Variants in ISOC1 observed in about 807,000 individuals in gnomAD.
ISOC1 encodes isochorismatase domain containing 1.
ISOC1 carries 33 observed loss-of-function variants against 30.0 expected under a neutral mutation model. The observed-to-expected ratio is 1.10, with a 90% confidence interval of 0.83 to 1.47. The LOEUF (loss-of-function observed/expected upper bound fraction) is 1.47, where lower values mean the gene tolerates loss of function less well. Among genes scored for constraint, ISOC1 ranks in the 40% most tolerant of loss-of-function variants. ISOC1 has a pLI of 0.00. For missense variants in ISOC1, 372 were observed against 388.0 expected (o/e 0.96, Z 0.35); for synonymous variants, 178 against 159.8 (o/e 1.11, Z -0.86).
At chr5:129,102,012 A>G (rs1400237178) in intron 1 of ISOC1, among the ~76,000 whole-genome samples, 1 of 152,166 alleles carries the variant, frequency 6.6e-6, no homozygotes, top group African/African-American at 2.4e-5. Context: ...TCAAAGGTAC[A>G]TGTTATTAAC....
chr5:129,098,603 CAG>C (rs1238903670), intron 1 of ISOC1, among the ~76,000 whole-genome samples: 1 of 152,116 alleles, frequency 6.6e-6, no homozygotes, highest in Non-Finnish European at 1.5e-5. Context: ...CCAGGAAAGA[CAG>C]AGCCTGCAGA....
intron 4 of ISOC1, among the ~76,000 whole-genome samples, chr5:129,109,923 T>C (rs1753684220): frequency 6.6e-6 from 1 of 152,236 alleles, no homozygotes; most frequent in South Asian, 2.1e-4. Context: ...GTTTGCATTA[T>C]TGAAACTTCA....
intron 1 of ISOC1, among the ~76,000 whole-genome samples, chr5:129,100,724 C>T (rs902254338): frequency 3.3e-5 from 5 of 151,520 alleles, no homozygotes; most frequent in Non-Finnish European, 7.4e-5. Context: ...AAGAAATTTC[C>T]GAAATTTAGA....
At chr5:129,110,932 T>G (rs920013956) in intron 4 of ISOC1, among the ~76,000 whole-genome samples, 25 of 152,230 alleles carry the variant, frequency 1.6e-4, no homozygotes, top group African/African-American at 5.8e-4. Context: ...GTCCATTGAT[T>G]CAACAGTGAG....
intron 1 of ISOC1, among the ~76,000 whole-genome samples, chr5:129,101,618 A>G (rs1753573451): frequency 6.6e-6 from 1 of 152,176 alleles, no homozygotes; most frequent in Non-Finnish European, 1.5e-5. Flanking sequence ...ATGAGCCACC[A>G]TGCCCAGCTG....
At chr5:129,107,607 A>G (rs959067083) in intron 4 of ISOC1, among the ~76,000 whole-genome samples, 6 of 142,774 alleles carry the variant, frequency 4.2e-5, no homozygotes, top group Non-Finnish European at 9.1e-5. Context: ...TGGGTATTAT[A>G]AGTAATATAG....
chr5:129,096,345 T>G (rs1484880666), intron 1 of ISOC1, among the ~76,000 whole-genome samples: 1 of 152,218 alleles, frequency 6.6e-6, no homozygotes, highest in Non-Finnish European at 1.5e-5. Flanking sequence ...TTTCTGAGGA[T>G]TATTCCCTAG....
intron 1 of ISOC1, among the ~76,000 whole-genome samples, chr5:129,102,360 A>T (rs1376293693): frequency 6.6e-6 from 1 of 152,032 alleles, no homozygotes; most frequent in Non-Finnish European, 1.5e-5. Context: ...TACTAGAGAG[A>T]TTTCCCAGGG....
intron 1 of ISOC1, among the ~76,000 whole-genome samples, chr5:129,102,748 A>G (rs1580787541): frequency 6.6e-6 from 1 of 152,206 alleles, no homozygotes; most frequent in East Asian, 1.9e-4. Context: ...TGTATTTTGA[A>G]TCTTTTCTCT....
In ISOC1 at chr5:129,094,898, G is replaced by A. The variant is rs375226583; in HGVS notation, c.132G>A (p.Gly44=). The change falls in exon 1 of 5, where the codon GGG becomes GGA. Residue 44 remains glycine, a synonymous_variant. Transcript: ENST00000173527. ...CGCGACCCTCGTCGGTGCCACACGG[G>A]GCGGGCTACGAGCTGCTCATCCAGA... The part of the protein sequence containing the change: ...VFARPSSVPH[G]AGYELLIQKF... The A allele has an allele frequency of 4.1e-5, 66 of 1,610,708 alleles. No individual in the cohort carries two copies. Among genetic ancestry groups the A allele is most frequent in the Non-Finnish European group, 5.3e-5 (62 of 1,179,416 alleles).
intron 1 of ISOC1, 79 bp from the exon 2 acceptor site, chr5:129,104,877 T>C (rs888473962): frequency 1.4e-6 from 2 of 1,435,690 alleles, no homozygotes; most frequent in Non-Finnish European, 1.9e-6. Flanking sequence ...GGACCATTTT[T>C]CTTCCTTTAT....
intron 4 of ISOC1, among the ~76,000 whole-genome samples, chr5:129,112,280 A>G (rs1259421768): frequency 6.6e-6 from 1 of 152,192 alleles, no homozygotes; most frequent in East Asian, 1.9e-4. Context: ...GCCAGGCATA[A>G]GTATTAATAT....
intron 4 of ISOC1, among the ~76,000 whole-genome samples, chr5:129,109,452 G>T (rs1013546713): frequency 6.6e-6 from 1 of 152,170 alleles, no homozygotes; most frequent in Non-Finnish European, 1.5e-5. Context: ...TGTTGTTACT[G>T]ATTGTTGTCT....
chr5:129,097,737 A>G (rs1753521848), intron 1 of ISOC1: 1 of 151,530 alleles, frequency 6.6e-6, no homozygotes, highest in Non-Finnish European at 1.5e-5. Flanking sequence ...ATGCGTGTGG[A>G]GGAGCTAGCC....
chr5:129,105,600 CTCAG>C (rs1753627906), intron 3 of ISOC1, among the ~76,000 whole-genome samples: 1 of 152,086 alleles, frequency 6.6e-6, no homozygotes, highest in African/African-American at 2.4e-5. Flanking sequence ...GAGCTAAATA[CTCAG>C]TAGTCTCCCC....
chr5:129,100,391 A>G (rs1046707700), intron 1 of ISOC1, among the ~76,000 whole-genome samples: 4 of 152,130 alleles, frequency 2.6e-5, no homozygotes, highest in South Asian at 2.1e-4. Context: ...GCCATTGGCT[A>G]TGATCAACTT....
At chr5:129,095,568 C>A (rs750854698) in intron 1 of ISOC1, among the ~76,000 whole-genome samples, 9 of 152,224 alleles carry the variant, frequency 5.9e-5, no homozygotes, top group Non-Finnish European at 8.8e-5. Context: ...CCCATTCCCC[C>A]CCGCCTTCCC....
chr5:129,095,643 C>T (rs1037982678), intron 1 of ISOC1, among the ~76,000 whole-genome samples: 2 of 152,200 alleles, frequency 1.3e-5, no homozygotes, highest in African/African-American at 4.8e-5. Context: ...TGCTTAGCCT[C>T]CTCTTAGTAA....
intron 1 of ISOC1, among the ~76,000 whole-genome samples, chr5:129,102,815 G>C (rs944186701): frequency 3.9e-5 from 6 of 152,064 alleles, no homozygotes; most frequent in African/African-American, 1.4e-4. Context: ...TTTCCTTTCT[G>C]ATTTGCTGTT....
Sources: gnomAD v4.1 joint callset for allele counts (sites outside exome capture counted in the v4.1 genomes callset) on GRCh38, gnomAD v4.1.1 for gene constraint, MANE v1.5 for transcripts, NCBI Gene and HGNC (gene_info 2026-07-23, HGNC 2026-07-21) for gene names.